Variants in AGPAT4 observed in about 807,000 individuals in gnomAD.
AGPAT4 encodes 1-acyl-sn-glycerol-3-phosphate acyltransferase delta.
In AGPAT4, 15 loss-of-function variants were observed where a neutral mutation model predicts 48.0. The observed-to-expected ratio is 0.31, with a 90% CI of 0.21 to 0.48. The LOEUF is 0.48. AGPAT4 is among the 20% of genes least tolerant of loss of function. The probability of loss-of-function intolerance (pLI) is 0.99; values close to 1 mark genes in which losing one functional copy is unlikely to be tolerated. For synonymous variants in AGPAT4, 178 were observed against 198.7 expected, an observed-to-expected ratio of 0.90 and a Z score of 0.88; for missense variants, 314 against 482.5, an observed-to-expected ratio of 0.65 and a Z score of 3.27.
At position 161,231,957 on chromosome 6, in the gene AGPAT4, G is replaced by C; in HGVS notation, c.178+79C>G. 1 of 1,416,564 alleles carries C rather than the reference G, an allele frequency of 7.1e-7. No homozygotes were observed. Among genetic ancestry groups the C allele is most frequent in the Admixed American group, 1.9e-5 (1 of 51,412 alleles). The allele number at this position is 1,416,564 out of a possible 1,614,324, so 87.7% of individuals were successfully genotyped here. A position where few individuals can be genotyped will look rare whatever the true frequency, so the allele number is the denominator to read the frequency against. On this transcript the variant is annotated intron_variant, in intron 2 of 8. Coordinates refer to ENST00000320285, the MANE Select transcript of AGPAT4 (RefSeq NM_020133.3). This position sits in a 1 kb window ranked among gnomAD's most constrained non-coding sequence, Gnocchi z 5.3. ...CAGCTCGGCACACAACGAAAGCCTA[G>C]TGAATCCATATCAAGAGCCATAATT...
rs1340641827 is a variant in AGPAT4 at position 161,208,249 on chromosome 6, C to G, written c.178+23787G>C. Among the ~76,000 whole-genome samples, 1 of 152,182 alleles carries G rather than the reference C, an allele frequency of 6.6e-6. No homozygotes were observed. Among genetic ancestry groups the G allele is most frequent in the East Asian group, 1.9e-4 (1 of 5,194 alleles). ...TTAGCTACCAAGACAAGCACTGTTA[C>G]TAAAAGTAAGCTACTCAGTATTCAG... On this transcript the variant is annotated intron_variant, in intron 2 of 8. Coordinates refer to ENST00000320285, the MANE Select transcript of AGPAT4 (RefSeq NM_020133.3). The surrounding 1 kb of genome is among the most constrained non-coding windows in gnomAD (Gnocchi z 4.6).
In AGPAT4 at chr6:161,180,905, C is replaced by G. The variant is rs550336993; in HGVS notation, c.179-14488G>C. Among the ~76,000 whole-genome samples, 3 of 152,148 alleles carry G rather than the reference C, an allele frequency of 2.0e-5. No homozygotes were observed. Among genetic ancestry groups the G allele is most frequent in the African/African-American group, 7.2e-5 (3 of 41,508 alleles). ...TTATTATATTTGCCATTGTGCTGTT[C>G]AGCTTAAGAGATTACTAATAGGAAA... is the stretch of plus-strand genomic sequence containing the variant. On this transcript the variant is annotated intron_variant, in intron 2 of 8. Coordinates refer to ENST00000320285, the MANE Select transcript of AGPAT4 (RefSeq NM_020133.3). This position sits in a 1 kb window ranked among gnomAD's most constrained non-coding sequence, Gnocchi z 6.4.
In AGPAT4 at chr6:161,144,929, C is replaced by T. The variant is rs1779371106; in HGVS notation, c.843+1595G>A. Among the ~76,000 whole-genome samples, 3 of 151,616 alleles carry T rather than the reference C, an allele frequency of 2.0e-5. No individual in the cohort carries two copies. The highest frequency in any genetic ancestry group is 6.6e-5 in the Admixed American group (1 of 15,230). ...CCAGGAGGCAGAGCTTGCAGTGAGC[C>T]GAGATCGCGCCACTGCACTCCAGCC... On this transcript the variant is annotated intron_variant, in intron 7 of 8. Transcript: ENST00000320285. This position sits in a 1 kb window ranked among gnomAD's most constrained non-coding sequence, Gnocchi z 6.6.
At position 161,164,237 on chromosome 6, in the gene AGPAT4, C is replaced by A. The variant is rs1372641777; in HGVS notation, c.348+2011G>T. Among the ~76,000 whole-genome samples, 1 of 152,220 alleles carries A rather than the reference C, an allele frequency of 6.6e-6. No homozygotes were observed. Among genetic ancestry groups the A allele is most frequent in the East Asian group, 1.9e-4 (1 of 5,196 alleles). ...TGGGGGCTATGTCCTCTCTCTGGAC[C>A]TGGGTCCCTCCCTGCATGTGTTGTG... is the stretch of plus-strand genomic sequence containing the variant. On this transcript the variant is annotated intron_variant, in intron 3 of 8. Coordinates refer to ENST00000320285, the MANE Select transcript of AGPAT4 (RefSeq NM_020133.3). This position sits in a 1 kb window ranked among gnomAD's most constrained non-coding sequence, Gnocchi z 7.4.
rs1178270562 is a variant in AGPAT4 at position 161,196,644 on chromosome 6, C to T, written c.179-30227G>A. Among the ~76,000 whole-genome samples the T allele has an allele frequency of 6.6e-6, 1 of 151,756 alleles. No homozygotes were observed. Among genetic ancestry groups the T allele is most frequent in the Non-Finnish European group, 1.5e-5 (1 of 67,944 alleles). ...CCAACATGGTGAAACCCTGTCTCTA[C>T]CAAAAATACAAAAAATTAGCCTGGT... On this transcript the variant is annotated intron_variant, in intron 2 of 8. Transcript: ENST00000320285. The surrounding 1 kb of genome is among the most constrained non-coding windows in gnomAD (Gnocchi z 4.3).
chr6:161,235,168 T>C lies in AGPAT4; in HGVS notation c.-89-2866A>G, dbSNP rs1475558335. On this transcript the variant is annotated intron_variant, in intron 1 of 8. Transcript: ENST00000320285. This position sits in a 1 kb window ranked among gnomAD's most constrained non-coding sequence, Gnocchi z 6.2. Reference sequence around the variant, plus strand: ...TCTGCCCTGTCTCTTATTAGTTGTGTATTGGTACCCTATTTTGGGCACATT... The same window carrying C: ...TCTGCCCTGTCTCTTATTAGTTGTGCATTGGTACCCTATTTTGGGCACATT... 2.0e-5 allele frequency among the ~76,000 whole-genome samples: 3 copies of C among 152,156 alleles called. No homozygotes were observed. The highest frequency in any genetic ancestry group is 7.2e-5 in the African/African-American group (3 of 41,424).
rs1781727963 is a variant in AGPAT4, at chr6:161,218,824, C to A, written c.178+13212G>T. On this transcript the variant is annotated intron_variant, in intron 2 of 8. Coordinates refer to ENST00000320285, the MANE Select transcript of AGPAT4 (RefSeq NM_020133.3). The surrounding 1 kb of genome is among the most constrained non-coding windows in gnomAD (Gnocchi z 4.7). Reference sequence around the variant, plus strand: ...CAGTATGATAAAACACTGTATCTACCAAACAGTATGATAAAACACTGTATC... The same window carrying A: ...CAGTATGATAAAACACTGTATCTACAAAACAGTATGATAAAACACTGTATC... 6.6e-6 allele frequency among the ~76,000 whole-genome samples: 1 copy of A among 152,164 alleles called. No homozygotes were observed. Among genetic ancestry groups the A allele is most frequent in the Admixed American group, 6.5e-5 (1 of 15,286 alleles).
At chr6:161,260,198 C>T (rs934673875) in intron 1 of AGPAT4, among the ~76,000 whole-genome samples, 3 of 152,152 alleles carry the variant, frequency 2.0e-5, no homozygotes, top group South Asian at 4.1e-4. Context: ...TTTCCATAGG[C>T]GATGCCTTTC....
intron 2 of AGPAT4, among the ~76,000 whole-genome samples, chr6:161,187,846 A>G (rs543754883): frequency 5.1e-4 from 77 of 152,302 alleles, no homozygotes; most frequent in African/African-American, 1.8e-3. Context: ...GCCCGGCCCA[A>G]CTTTTTTTAT....
chr6:161,226,226 C>T lies in AGPAT4; in HGVS notation c.178+5810G>A, dbSNP rs1303509050. ...GGTTAGGACAGGGGCCACTCAGGGACACTCCCTTTCTGACATCTTGGAGCT... is the reference window on the plus strand; with the variant it reads ...GGTTAGGACAGGGGCCACTCAGGGATACTCCCTTTCTGACATCTTGGAGCT... On this transcript the variant is annotated intron_variant, in intron 2 of 8. Transcript: ENST00000320285. The surrounding 1 kb of genome is among the most constrained non-coding windows in gnomAD (Gnocchi z 6.3). Among the ~76,000 whole-genome samples the T allele has an allele frequency of 6.6e-6, 1 of 152,166 alleles. No homozygotes were observed. Among genetic ancestry groups the T allele is most frequent in the African/African-American group, 2.4e-5 (1 of 41,432 alleles).
intron 2 of AGPAT4, among the ~76,000 whole-genome samples, chr6:161,210,162 ATAAACCTGGTC>A (rs1781485398): frequency 2.6e-5 from 4 of 152,204 alleles, no homozygotes; most frequent in Non-Finnish European, 5.9e-5. Context: ...CCCTATCTAA[ATAAACCTGGTC>A]TCCTTATACA....
Position 161,206,216 on chromosome 6 carries a change from C to T in AGPAT4, c.178+25820G>A, listed in dbSNP as rs954735838. Among the ~76,000 whole-genome samples, 6 of 152,290 alleles carry T rather than the reference C, an allele frequency of 3.9e-5. No homozygotes were observed. The highest frequency in any genetic ancestry group is 2.1e-4 in the South Asian group (1 of 4,820). Reference sequence around the variant, plus strand: ...AAACTGTGGCCCTACCCCAACCCCCCATCAGCAAAGGTTGGGGTGGGGGGC... The same window carrying T: ...AAACTGTGGCCCTACCCCAACCCCCTATCAGCAAAGGTTGGGGTGGGGGGC... On this transcript the variant is annotated intron_variant, in intron 2 of 8. Transcript: ENST00000320285. This position sits in a 1 kb window ranked among gnomAD's most constrained non-coding sequence, Gnocchi z 4.8.
intron 2 of AGPAT4, among the ~76,000 whole-genome samples, chr6:161,203,777 T>A (rs1781307879): frequency 6.6e-6 from 1 of 152,134 alleles, no homozygotes; most frequent in South Asian, 2.1e-4. Flanking sequence ...ACCCCACTGG[T>A]TTGAAGTCCT....
At chr6:161,183,683 GGAGGA>G (rs1164101976) in intron 2 of AGPAT4, among the ~76,000 whole-genome samples, 1 of 91,826 alleles carries the variant, frequency 1.1e-5, no homozygotes, top group African/African-American at 4.8e-5. Flanking sequence ...GGAGGAGAGG[GGAGGA>G]GAGGAGAGGG....
Position 161,141,699 on chromosome 6 carries a change from G to A in AGPAT4, c.844-2079C>T, listed in dbSNP as rs1382982212. Reference sequence around the variant, plus strand: ...TTTATTTTCCTTAACAGTCTTTATAGTGCTTTTTTACAGTAATATCACAAA... The same window carrying A: ...TTTATTTTCCTTAACAGTCTTTATAATGCTTTTTTACAGTAATATCACAAA... On this transcript the variant is annotated intron_variant, in intron 7 of 8. Coordinates refer to ENST00000320285, the MANE Select transcript of AGPAT4 (RefSeq NM_020133.3). This position sits in a 1 kb window ranked among gnomAD's most constrained non-coding sequence, Gnocchi z 6.7. Among the ~76,000 whole-genome samples, 1 of 151,940 alleles carries A rather than the reference G, an allele frequency of 6.6e-6. No individual in the cohort carries two copies. The highest frequency in any genetic ancestry group is 1.9e-4 in the East Asian group (1 of 5,188).
At position 161,246,554 on chromosome 6, in the gene AGPAT4, C is replaced by T. The variant is rs926904690; in HGVS notation, c.-89-14252G>A. 2.0e-5 allele frequency among the ~76,000 whole-genome samples: 3 copies of T among 152,138 alleles called. No homozygotes were observed. The highest frequency in any genetic ancestry group is 7.2e-5 in the African/African-American group (3 of 41,420). ...CCTCCCGAGTAGCTGGGATTACAGG[C>T]ATGCGCCACCACGCCCAGCTAATTT... On this transcript the variant is annotated intron_variant, in intron 1 of 8. Transcript: ENST00000320285. The surrounding 1 kb of genome is among the most constrained non-coding windows in gnomAD (Gnocchi z 5.5).
intron 1 of AGPAT4, among the ~76,000 whole-genome samples, chr6:161,257,664 C>A (rs1009230908): frequency 6.6e-6 from 1 of 151,764 alleles, no homozygotes; most frequent in Admixed American, 6.6e-5. Flanking sequence ...TCAAAGGGTT[C>A]TTGAAATATG....
rs760757230 is a variant in AGPAT4, at chr6:161,198,621, G to A, written c.179-32204C>T. On this transcript the variant is annotated intron_variant, in intron 2 of 8. Transcript: ENST00000320285. The surrounding 1 kb of genome is among the most constrained non-coding windows in gnomAD (Gnocchi z 4.3). ...ATCCTGGCCCCACCATCTACTACTT[G>A]TGAGACTTTGGACATGCTATTTAAC... is the stretch of plus-strand genomic sequence containing the variant. Among the ~76,000 whole-genome samples, 1 of 152,206 alleles carries A rather than the reference G, an allele frequency of 6.6e-6. No individual in the cohort carries two copies. The highest frequency in any genetic ancestry group is 1.5e-5 in the Non-Finnish European group (1 of 68,032).
In AGPAT4 at chr6:161,208,764, A is replaced by G. The variant is rs1228871852; in HGVS notation, c.178+23272T>C. On this transcript the variant is annotated intron_variant, in intron 2 of 8. Coordinates refer to ENST00000320285, the MANE Select transcript of AGPAT4 (RefSeq NM_020133.3). The surrounding 1 kb of genome is among the most constrained non-coding windows in gnomAD (Gnocchi z 4.6). ...TTATTTAAATAAAAAATTATTTCCC[A>G]AGTATTTACATAAGGCACAATAAAA... is the stretch of plus-strand genomic sequence containing the variant. Among the ~76,000 whole-genome samples the G allele has an allele frequency of 2.0e-5, 3 of 152,230 alleles. No homozygotes were observed. Among genetic ancestry groups the G allele is most frequent in the Admixed American group, 6.5e-5 (1 of 15,286 alleles).
Sources: gnomAD v4.1 joint callset for allele counts (sites outside exome capture counted in the v4.1 genomes callset) on GRCh38, gnomAD v4.1.1 for gene constraint, Gnocchi (gnomAD v3.1) non-coding constraint, MANE v1.5 for transcripts, NCBI Gene and HGNC (gene_info 2026-07-23, HGNC 2026-07-21) for gene names.